CBFB: variants seen among roughly 807,000 people sequenced by gnomAD.
CBFB encodes core-binding factor subunit beta.
In CBFB, 9 loss-of-function variants were observed where a neutral mutation model predicts 30.4. That is an observed-to-expected ratio of 0.30 (90% CI 0.18 to 0.52). The LOEUF is 0.52. CBFB is among the 20% of genes least tolerant of loss of function. The probability of loss-of-function intolerance (pLI) is 0.97; values close to 1 mark genes in which losing one functional copy is unlikely to be tolerated. For synonymous variants in CBFB, 94 were observed against 84.0 expected (o/e 1.12, Z -0.65); for missense variants, 170 against 244.0 (o/e 0.70, Z 2.02).
At chr16:67,065,613 A>G (rs1384793066) in intron 3 of CBFB, among the ~76,000 whole-genome samples, 1 of 152,092 alleles carries the variant, frequency 6.6e-6, no homozygotes, top group Non-Finnish European at 1.5e-5. Context: ...CCTGGCCTCA[A>G]ATGATCCTCA....
Position 67,099,253 on chromosome 16 carries a change from C to A in CBFB, c.*475C>A, listed in dbSNP as rs1962148015. The A allele has an allele frequency of 4.3e-6, 1 of 231,162 alleles. No homozygotes were observed. Among genetic ancestry groups the A allele is most frequent in the Non-Finnish European group, 8.5e-6 (1 of 117,442 alleles). The allele number at this position is 231,162 out of a possible 1,614,324, so 14.3% of individuals were successfully genotyped here. ...TTTTTTGTTTTGTTTGCCCCATTTCCTTTTGTGTTTTTATAGTCTATAGCA... is the reference window on the plus strand; with the variant it reads ...TTTTTTGTTTTGTTTGCCCCATTTCATTTTGTGTTTTTATAGTCTATAGCA... On this transcript the variant is annotated 3_prime_UTR_variant, in exon 6 of 6. Coordinates refer to ENST00000412916, the MANE Select transcript of CBFB (RefSeq NM_022845.3).
chr16:67,029,625 C>T (rs1966296313), intron 1 of CBFB, 102 bp from the exon 2 acceptor site: 4 of 1,327,008 alleles, frequency 3.0e-6, no homozygotes, highest in Non-Finnish European at 4.2e-6. Context: ...GCGGCCATCG[C>T]CCGCAGCCTC....
In CBFB at chr16:67,055,357, C is replaced by CTTTTTTTTTTTTT. The variant is rs1163773529; in HGVS notation, c.283-11310_283-11298dup. 1.1e-3 allele frequency among the ~76,000 whole-genome samples: 90 copies of CTTTTTTTTTTTTT among 81,464 alleles called. 8 individuals are homozygous for CTTTTTTTTTTTTT. Among genetic ancestry groups the CTTTTTTTTTTTTT allele is most frequent in the African/African-American group, 1.4e-3 (26 of 18,442 alleles). The allele number at this position is 81,464 out of a possible 152,430, so 53.4% of individuals were successfully genotyped here. Reference sequence around the variant, plus strand: ...AAATCTATTGAATTCCAGACACTTTCTTTTTTTTTTTTTTTTTTTTTTTTT... The same window carrying CTTTTTTTTTTTTT: ...AAATCTATTGAATTCCAGACACTTTCTTTTTTTTTTTTTTTTTTTTTTTTTTTTTTTTTTTTTT... On this transcript the variant is annotated intron_variant, in intron 3 of 5. Transcript: ENST00000412916.
rs371479770 is a variant in CBFB at position 67,066,747 on chromosome 16, C to G, written c.348C>G (p.Leu116=). 3.7e-6 allele frequency: 6 copies of G among 1,610,690 alleles called. No homozygotes were observed. The African/African-American group carries it at 8.0e-5, about 22-fold the overall frequency. The change falls in exon 4 of 6, where the codon CTC becomes CTG. Residue 116 remains leucine (L), a synonymous_variant. Coordinates refer to ENST00000412916, the MANE Select transcript of CBFB (RefSeq NM_022845.3). ...VCVIWKGWID[L]QRLDGMGCLE... Reference sequence around the variant, plus strand: ...TTATCTGGAAAGGCTGGATTGATCTCCAAAGACTGGATGGTATGGGCTGTC... The same window carrying G: ...TTATCTGGAAAGGCTGGATTGATCTGCAAAGACTGGATGGTATGGGCTGTC...
At chr16:67,082,588 C>T (rs900667000) in intron 5 of CBFB, among the ~76,000 whole-genome samples, 1 of 152,100 alleles carries the variant, frequency 6.6e-6, no homozygotes, top group Admixed American at 6.6e-5. Flanking sequence ...CTCAAAATCT[C>T]ACCTCTTTTT....
chr16:67,041,760 T>C (rs1966533698), intron 3 of CBFB, among the ~76,000 whole-genome samples: 1 of 148,988 alleles, frequency 6.7e-6, no homozygotes, highest in Non-Finnish European at 1.5e-5. Flanking sequence ...TTGCAGCTTG[T>C]TTCTTTACTT....
intron 5 of CBFB, among the ~76,000 whole-genome samples, chr16:67,097,566 A>T (rs1438705327): frequency 6.6e-6 from 1 of 151,200 alleles, no homozygotes; most frequent in African/African-American, 2.4e-5. Flanking sequence ...AAAAAAAAGC[A>T]TCTGGGAATA....
In CBFB at chr16:67,082,099, G is replaced by A. The variant is rs1461210938; in HGVS notation, c.400-114G>A. ...CTCCCAAAGTGCTGAGATTACAGGC[G>A]TGAGCCACTGCGCCCGGCCACTGTT... On this transcript the variant is annotated intron_variant, in intron 4 of 5. Transcript: ENST00000412916. 2.6e-5 allele frequency: 20 copies of A among 760,924 alleles called. 1 individual carries two copies. Among genetic ancestry groups the A allele is most frequent in the Non-Finnish European group, 3.9e-5 (20 of 519,350 alleles). The allele number at this position is 760,924 out of a possible 1,614,324, so 47.1% of individuals were successfully genotyped here. A position where few individuals can be genotyped will look rare whatever the true frequency, so the allele number is the denominator to read the frequency against.
In CBFB at chr16:67,100,568, G is replaced by A. The variant is rs1251066289; in HGVS notation, c.*1790G>A. On this transcript the variant is annotated 3_prime_UTR_variant, in exon 6 of 6. Coordinates refer to ENST00000412916, the MANE Select transcript of CBFB (RefSeq NM_022845.3). ...TTCCCCTGAGGGAATCGCTTTTTAAGTGATCCTTACAGTGGTGTTTTATGT... is the reference window on the plus strand; with the variant it reads ...TTCCCCTGAGGGAATCGCTTTTTAAATGATCCTTACAGTGGTGTTTTATGT... The A allele has an allele frequency of 4.4e-6, 1 of 226,870 alleles. No individual in the cohort carries two copies. The highest frequency in any genetic ancestry group is 8.8e-6 in the Non-Finnish European group (1 of 113,832). 14.1% of individuals were successfully genotyped at this position (226,870 alleles called of 1,614,324 possible). A position where few individuals can be genotyped will look rare whatever the true frequency, so the allele number is the denominator to read the frequency against.
chr16:67,093,102 T>C (rs1961944328), intron 5 of CBFB, among the ~76,000 whole-genome samples: 1 of 152,138 alleles, frequency 6.6e-6, no homozygotes, highest in South Asian at 2.1e-4. Context: ...CGTGCTACCA[T>C]GCCCAACTAA....
chr16:67,036,246 A>T (rs1439807810), intron 2 of CBFB, among the ~76,000 whole-genome samples: 1 of 152,184 alleles, frequency 6.6e-6, no homozygotes, highest in African/African-American at 2.4e-5. Context: ...ATACAATTTT[A>T]AATTGTGGTA....
intron 3 of CBFB, among the ~76,000 whole-genome samples, chr16:67,057,594 A>G (rs1960767908): frequency 6.6e-6 from 1 of 152,166 alleles, no homozygotes; most frequent in Admixed American, 6.5e-5. Context: ...CATGTTATTG[A>G]AATGTTTTTC....
At chr16:67,095,125 G>A (rs1224017355) in intron 5 of CBFB, among the ~76,000 whole-genome samples, 1 of 134,836 alleles carries the variant, frequency 7.4e-6, no homozygotes, top group South Asian at 2.6e-4. Context: ...CACGAGAATT[G>A]TTTGAACCTG....
At chr16:67,055,357 C>CTTTCTTTTTTTTTTT (rs1484285498) in intron 3 of CBFB, among the ~76,000 whole-genome samples, 4 of 81,474 alleles carry the variant, frequency 4.9e-5, no homozygotes, top group African/African-American at 2.2e-4. Context: ...CAGACACTTT[C>CTTTCTTTTTTTTTTT]TTTTTTTTTT....
intron 5 of CBFB, among the ~76,000 whole-genome samples, chr16:67,090,040 T>G (rs906057671): frequency 1.3e-5 from 2 of 152,166 alleles, no homozygotes; most frequent in African/African-American, 2.4e-5. Flanking sequence ...GATTCTGGTG[T>G]TTTTTGTTTG....
At chr16:67,060,668 G>A (rs1960886543) in intron 3 of CBFB, among the ~76,000 whole-genome samples, 1 of 152,138 alleles carries the variant, frequency 6.6e-6, no homozygotes, top group African/African-American at 2.4e-5. Context: ...CGATTCTCCT[G>A]CCTCAGCCTC....
chr16:67,079,462 C>T (rs1380535656), intron 4 of CBFB, among the ~76,000 whole-genome samples: 1 of 150,410 alleles, frequency 6.6e-6, no homozygotes. Flanking sequence ...CAGCAGTACA[C>T]AGTCCAGGCC....
chr16:67,083,171 C>T (rs1260565807), intron 5 of CBFB, among the ~76,000 whole-genome samples: 3 of 152,066 alleles, frequency 2.0e-5, no homozygotes, highest in African/African-American at 2.4e-5. Flanking sequence ...AGAGTGAGAT[C>T]CTGCCTTTAG....
chr16:67,088,238 T>G (rs2145778816), intron 5 of CBFB, among the ~76,000 whole-genome samples: 1 of 152,314 alleles, frequency 6.6e-6, no homozygotes, highest in East Asian at 1.9e-4. Flanking sequence ...TTTTGCTTCT[T>G]TGTCTTTTTT....
Sources: gnomAD v4.1 joint callset for allele counts (sites outside exome capture counted in the v4.1 genomes callset) on GRCh38, gnomAD v4.1.1 for gene constraint, MANE v1.5 for transcripts, NCBI Gene and HGNC (gene_info 2026-07-23, HGNC 2026-07-21) for gene names.